OAS3: variants seen among roughly 807,000 people sequenced by gnomAD.
The protein encoded by OAS3 is 2'-5'-oligoadenylate synthase 3.
In OAS3, 107 loss-of-function variants were observed where a neutral mutation model predicts 113.0. The ratio of observed to expected loss-of-function variants is 0.95; its 90% CI spans 0.81 to 1.11. The LOEUF (loss-of-function observed/expected upper bound fraction) is 1.11, where lower values mean the gene tolerates loss of function less well. Ranked by LOEUF, OAS3 falls within the 50% of genes most tolerant of loss-of-function variation. The pLI is 0.00. For missense variants in OAS3, 1,258 were observed against 1,389.1 expected, an observed-to-expected ratio of 0.91 and a Z score of 1.50; for synonymous variants, 552 against 573.6, an observed-to-expected ratio of 0.96 and a Z score of 0.54.
rs201740124 is a variant in OAS3, at chr12:112,961,145, G to A, written c.1732G>A (p.Glu578Lys). Residue 578 changes from glutamate (E) to lysine (K), a missense_variant, in exon 8 of 16, where the codon GAG becomes AAG. Glu to Lys is a moderately conservative substitution (Grantham distance 56). Transcript: ENST00000228928. The part of the protein sequence containing the change: ...RLLTSGCQEG[E>K]HKACFAELRR... ...CCTCACCAGTGGCTGCCAGGAGGGC[G>A]AGCATAAGGCCTGCTTCGCAGAGCT... The A allele has an allele frequency of 2.7e-4, 438 of 1,613,954 alleles. 4 individuals are homozygous for A. The South Asian group carries it at 3.3e-3, about 12-fold the overall frequency.
chr12:112,964,484 C>A, intron 11 of OAS3, 76 bp downstream of exon 11: 1 of 1,452,270 alleles, frequency 6.9e-7, no homozygotes, highest in Non-Finnish European at 9.4e-7. Flanking sequence ...CCAGGCTTGA[C>A]CCACTTCCGC....
rs947031438 is a variant in OAS3, at chr12:112,950,552, T to C, written c.1375-141T>C. On this transcript the variant is annotated intron_variant, in intron 6 of 15. Coordinates refer to ENST00000228928, the MANE Select transcript of OAS3 (RefSeq NM_006187.4). Reference sequence around the variant, plus strand: ...CTAAGAGGTCACAGGACCCATGCAGTCGACCTTTGTCATAGTCCCCAGACC... The same window carrying C: ...CTAAGAGGTCACAGGACCCATGCAGCCGACCTTTGTCATAGTCCCCAGACC... 5.2e-5 allele frequency: 49 copies of C among 935,046 alleles called. No individual in the cohort carries two copies. In the Admixed American group the frequency reaches 1.1e-3, roughly 20 times the overall value. 57.9% of individuals were successfully genotyped at this position (935,046 alleles called of 1,614,324 possible).
intron 10 of OAS3, 35 bp from the exon 11 acceptor site, chr12:112,964,200 G>T (rs776724509): frequency 4.5e-6 from 7 of 1,553,166 alleles, no homozygotes; most frequent in Admixed American, 1.9e-5. Flanking sequence ...TGGGAGTCCC[G>T]TCTCAAGCTG....
In OAS3 at chr12:112,970,006, G is replaced by C; in HGVS notation, c.*33G>C. The C allele has an allele frequency of 6.2e-7, 1 of 1,603,434 alleles. No individual in the cohort carries two copies. ...AAAATCAGCGGTCCTACTGGATGAAGAGAAGATGGACACCAGCCCTCAGCA... is the reference window on the plus strand; with the variant it reads ...AAAATCAGCGGTCCTACTGGATGAACAGAAGATGGACACCAGCCCTCAGCA... On this transcript the variant is annotated 3_prime_UTR_variant, in exon 16 of 16. Coordinates refer to ENST00000228928, the MANE Select transcript of OAS3 (RefSeq NM_006187.4).
At position 112,961,169 on chromosome 12, in the gene OAS3, C is replaced by T. The variant is rs141839417; in HGVS notation, c.1756C>T (p.Leu586=). 5,859 of 1,613,360 alleles carry T rather than the reference C, an allele frequency of 3.6e-3. 17 individuals carry two copies. The highest frequency in any genetic ancestry group is 4.5e-3 in the Non-Finnish European group (5,358 of 1,179,884). The change falls in exon 8 of 16, where the codon CTG becomes TTG. Residue 586 remains leucine (L), a synonymous_variant. Coordinates refer to ENST00000228928, the MANE Select transcript of OAS3 (RefSeq NM_006187.4). The part of the protein sequence containing the change: ...EGEHKACFAE[L]RRNFMNIRPV... The stretch of plus-strand genomic sequence containing the variant: ...CGAGCATAAGGCCTGCTTCGCAGAG[C>T]TGCGGAGGAACTTCATGAACATTCG...
intron 2 of OAS3, among the ~76,000 whole-genome samples, chr12:112,943,831 G>A (rs1354264810): frequency 6.6e-6 from 1 of 152,004 alleles, no homozygotes; most frequent in African/African-American, 2.4e-5. Flanking sequence ...CTCGTGCTTC[G>A]GCCTCTGGAG....
At position 112,962,826 on chromosome 12, in the gene OAS3, G is replaced by A; in HGVS notation, c.2008G>A (p.Val670Ile). Reference protein sequence around the residue: ...GLVQQHQQLCVYWTVNYSTED... With the variant: ...GLVQQHQQLCIYWTVNYSTED... ...CGTGCAACAGCATCAGCAGCTCTGTGTCTACTGGACGGTCAACTATAGCAC... is the reference window on the plus strand; with the variant it reads ...CGTGCAACAGCATCAGCAGCTCTGTATCTACTGGACGGTCAACTATAGCAC... Residue 670 changes from valine (V) to isoleucine (I), a missense_variant, in exon 9 of 16, where the codon GTC (valine) becomes ATC (isoleucine). Val to Ile is a conservative substitution (Grantham distance 29, BLOSUM62 3). Coordinates refer to ENST00000228928, the MANE Select transcript of OAS3 (RefSeq NM_006187.4). The A allele has an allele frequency of 6.2e-7, 1 of 1,614,048 alleles. No homozygotes were observed. Among genetic ancestry groups the A allele is most frequent in the Non-Finnish European group, 8.5e-7 (1 of 1,179,900 alleles).
Position 112,947,994 on chromosome 12 carries a change from G to T in OAS3, c.924G>T (p.Gly308=), listed in dbSNP as rs138598902. 2.8e-4 allele frequency: 454 copies of T among 1,603,556 alleles called. No homozygotes were observed. The African/African-American group carries it at 5.6e-3, about 20-fold the overall frequency. The part of the protein sequence containing the change: ...PADPTWDLGN[G]AAWHWDLLAQ... ...ACCCCACATGGGACCTGGGGAATGG[G>T]GCAGCCTGGCACTGGGATTTGCTAG... Residue 308 remains glycine, a synonymous_variant, in exon 5 of 16, where the codon GGG becomes GGT. Transcript: ENST00000228928.
intron 1 of OAS3, 80 bp from the exon 2 acceptor site, chr12:112,941,490 C>A: frequency 6.8e-7 from 1 of 1,481,348 alleles, no homozygotes; most frequent in Non-Finnish European, 9.3e-7. Context: ...AGCACACTTG[C>A]CTCACTCAAG....
Position 112,948,962 on chromosome 12 carries a change from A to C in OAS3, c.1131A>C (p.Pro377=). 1 of 1,613,814 alleles carries C rather than the reference A, an allele frequency of 6.2e-7. No individual in the cohort carries two copies. Among genetic ancestry groups the C allele is most frequent in the Non-Finnish European group, 8.5e-7 (1 of 1,179,822 alleles). The stretch of plus-strand genomic sequence containing the variant: ...GCAAGAGCCTCAATGCTGTGTACCC[A>C]AGAGCAGGGAGCAAACCTCCCTCAT... ...ENSKSLNAVY[P]RAGSKPPSCP... The change falls in exon 6 of 16, where the codon CCA becomes CCC. Residue 377 remains proline, a synonymous_variant. Coordinates refer to ENST00000228928, the MANE Select transcript of OAS3 (RefSeq NM_006187.4).
chr12:112,944,996 T>C, intron 3 of OAS3: 1 of 341,954 alleles, frequency 2.9e-6, no homozygotes, highest in South Asian at 2.5e-5. Context: ...AAATGAGTTA[T>C]TCTTTGTGTG....
At chr12:112,946,372 G>A (rs1175271020) in intron 3 of OAS3, among the ~76,000 whole-genome samples, 2 of 152,176 alleles carry the variant, frequency 1.3e-5, no homozygotes, top group African/African-American at 4.8e-5. Flanking sequence ...CACTCCAGGG[G>A]TGAAAGGGCG....
intron 7 of OAS3, among the ~76,000 whole-genome samples, chr12:112,960,197 A>G (rs1000578859): frequency 1.3e-5 from 2 of 152,110 alleles, no homozygotes; most frequent in Admixed American, 1.3e-4. Context: ...GGACTCCAAG[A>G]GTTTCACTAA....
chr12:112,965,680 C>T (rs769990027), intron 11 of OAS3, 64 bp from the exon 12 acceptor site: 150 of 1,478,918 alleles, frequency 1.0e-4, no homozygotes, highest in Non-Finnish European at 1.3e-4. Flanking sequence ...TTCTAACTCA[C>T]AGTCCAGAAC....
intron 12 of OAS3, 122 bp downstream of exon 12, chr12:112,966,151 A>G: frequency 9.8e-7 from 1 of 1,024,004 alleles, no homozygotes; most frequent in East Asian, 2.6e-5. Flanking sequence ...CAGGCATTGT[A>G]GTTGTGTATG....
rs769129804 is a variant in OAS3, at chr12:112,941,577, C to T, written c.185C>T (p.Ser62Phe). 1.6e-5 allele frequency: 26 copies of T among 1,611,170 alleles called. No individual in the cohort carries two copies. Among genetic ancestry groups the T allele is most frequent in the Non-Finnish European group, 2.1e-5 (25 of 1,177,530 alleles). Reference protein sequence around the residue: ...PRVLKTVKGGSSGRGTALKGG... With the variant: ...PRVLKTVKGGFSGRGTALKGG... ...TTATTTTTCTTTGCCCAGGGAGGCTCCTCGGGCCGGGGCACAGCTCTCAAG... is the reference window on the plus strand; with the variant it reads ...TTATTTTTCTTTGCCCAGGGAGGCTTCTCGGGCCGGGGCACAGCTCTCAAG... The change falls in exon 2 of 16, where the codon TCC becomes TTC. Residue 62 changes from serine (S) to phenylalanine (F), a missense_variant. Physicochemically the swap from Ser to Phe is radical, Grantham distance 155 (BLOSUM62 -2). Coordinates refer to ENST00000228928, the MANE Select transcript of OAS3 (RefSeq NM_006187.4).
chr12:112,969,938 A>G (rs535571691), intron 15 of OAS3, 24 bp from the exon 16 acceptor site: 3 of 1,606,416 alleles, frequency 1.9e-6, no homozygotes, highest in Admixed American at 1.7e-5. Context: ...GGGGTTACCA[A>G]CATCTCTTAT....
At chr12:112,945,135 A>C (rs547211565) in intron 3 of OAS3, 38 of 217,370 alleles carry the variant, frequency 1.7e-4, no homozygotes, top group Non-Finnish European at 3.1e-4. Flanking sequence ...AACATGGTGA[A>C]ACCCTGTCTC....
Position 112,967,681 on chromosome 12 carries a change from G to A in OAS3, c.2865+88G>A, listed in dbSNP as rs781291087. 280 of 1,441,108 alleles carry A rather than the reference G, an allele frequency of 1.9e-4. 2 individuals are homozygous for A. The highest frequency in any genetic ancestry group is 4.5e-5 in the Non-Finnish European group (48 of 1,060,610). The allele number at this position is 1,441,108 out of a possible 1,614,324, so 89.3% of individuals were successfully genotyped here. On this transcript the variant is annotated intron_variant, in intron 13 of 15. Coordinates refer to ENST00000228928, the MANE Select transcript of OAS3 (RefSeq NM_006187.4). Reference sequence around the variant, plus strand: ...CTGGGAGGAAGCAGGGCCCAGCCCTGGCCAAGATCCTGGGTTGGTGGAGCA... The same window carrying A: ...CTGGGAGGAAGCAGGGCCCAGCCCTAGCCAAGATCCTGGGTTGGTGGAGCA...
Sources: gnomAD v4.1 joint callset for allele counts (sites outside exome capture counted in the v4.1 genomes callset) on GRCh38, gnomAD v4.1.1 for gene constraint, MANE v1.5 for transcripts, NCBI Gene and HGNC (gene_info 2026-07-23, HGNC 2026-07-21) for gene names.